Variants in GALNT17 observed in about 807,000 individuals in gnomAD.
The protein encoded by GALNT17 is polypeptide N-acetylgalactosaminyltransferase 17, also known as UDP-GalNAc:polypeptide N-acetylgalactosaminyltransferase-like 3.
Under a neutral mutation model 63.7 loss-of-function variants are expected in GALNT17, and 29 were observed. The ratio of observed to expected loss-of-function variants is 0.46; its 90% CI spans 0.34 to 0.62. The LOEUF is 0.62. Ranked by LOEUF, GALNT17 falls within the 20% of genes least tolerant of loss-of-function variation. The pLI, the probability that GALNT17 is intolerant of heterozygous loss-of-function variation, is 0.01. For synonymous variants in GALNT17, 305 were observed against 318.3 expected, an observed-to-expected ratio of 0.96 and a Z score of 0.45; for missense variants, 603 against 799.6, an observed-to-expected ratio of 0.75 and a Z score of 2.97.
At chr7:71,662,647 T>C (rs1409096377) in intron 6 of GALNT17, among the ~76,000 whole-genome samples, 1 of 152,224 alleles carries the variant, frequency 6.6e-6, no homozygotes, top group East Asian at 1.9e-4. Context: ...CTTTGTGATT[T>C]GCTTATTTTG....
intron 1 of GALNT17, among the ~76,000 whole-genome samples, chr7:71,165,470 GAA>G (rs66486288): frequency 0.45 from 68,525 of 151,450 alleles, 17,495 homozygotes; most frequent in East Asian, 0.81. Flanking sequence ...ACAGACAAGA[GAA>G]GAGAGAGAAG....
In GALNT17 at chr7:71,636,465, G is replaced by T. The variant is rs563853619; in HGVS notation, c.1081-28946G>T. On this transcript the variant is annotated intron_variant, in intron 6 of 10. Coordinates refer to ENST00000333538, the MANE Select transcript of GALNT17 (RefSeq NM_022479.3). ...TAACAGGAGGGTAGGTGGGAATCTGGTTCAGGTGGAGGCAAACTGGTTTGG... is the reference window on the plus strand; with the variant it reads ...TAACAGGAGGGTAGGTGGGAATCTGTTTCAGGTGGAGGCAAACTGGTTTGG... 2.6e-5 allele frequency among the ~76,000 whole-genome samples: 4 copies of T among 152,288 alleles called. No homozygotes were observed. The East Asian group carries it at 7.7e-4, about 29-fold the overall frequency.
chr7:71,593,161 T>C (rs1310725063), intron 6 of GALNT17, among the ~76,000 whole-genome samples: 1 of 32,284 alleles, frequency 3.1e-5, no homozygotes, highest in Non-Finnish European at 1.5e-4. Flanking sequence ...ATAATAATAA[T>C]AATAATAATA....
chr7:71,350,944 C>T (rs929062965), intron 2 of GALNT17, among the ~76,000 whole-genome samples: 10 of 152,208 alleles, frequency 6.6e-5, no homozygotes, highest in African/African-American at 2.4e-4. Flanking sequence ...AGTTTAAGAT[C>T]AGCATGGCCA....
chr7:71,528,894 G>A (rs1295241601), intron 5 of GALNT17, among the ~76,000 whole-genome samples: 1 of 152,146 alleles, frequency 6.6e-6, no homozygotes, highest in Non-Finnish European at 1.5e-5. Flanking sequence ...CAGCACTTCG[G>A]GAGGCCGAGG....
intron 1 of GALNT17, among the ~76,000 whole-genome samples, chr7:71,238,320 C>T (rs899645697): frequency 2.0e-5 from 3 of 152,112 alleles, no homozygotes; most frequent in East Asian, 3.9e-4. Flanking sequence ...AGAGGTCTCT[C>T]CCAGAAGCCT....
chr7:71,672,396 C>T (rs904067736), intron 8 of GALNT17, among the ~76,000 whole-genome samples: 5 of 152,030 alleles, frequency 3.3e-5, no homozygotes, highest in Non-Finnish European at 5.9e-5. Flanking sequence ...ATGAAATCCA[C>T]GCAAGAAATG....
At chr7:71,250,830 T>C (rs1172888538) in intron 1 of GALNT17, among the ~76,000 whole-genome samples, 1 of 152,216 alleles carries the variant, frequency 6.6e-6, no homozygotes, top group Non-Finnish European at 1.5e-5. Flanking sequence ...ACAGCAAACC[T>C]GCCTTCTGTG....
chr7:71,559,255 C>T (rs1562690726), intron 5 of GALNT17, among the ~76,000 whole-genome samples: 1 of 152,188 alleles, frequency 6.6e-6, no homozygotes, highest in Non-Finnish European at 1.5e-5. Flanking sequence ...GAATTCTATT[C>T]AAGCCAGCCA....
intron 3 of GALNT17, among the ~76,000 whole-genome samples, chr7:71,405,130 T>G: frequency 6.6e-6 from 1 of 152,234 alleles, no homozygotes; most frequent in East Asian, 1.9e-4. Context: ...TCCAAGCTAC[T>G]TGAGGGAGCC....
At chr7:71,182,035 C>T (rs529680021) in intron 1 of GALNT17, among the ~76,000 whole-genome samples, 13 of 152,180 alleles carry the variant, frequency 8.5e-5, no homozygotes, top group African/African-American at 2.2e-4. Flanking sequence ...ATTAGCTGGG[C>T]GTGGTGGCGC....
chr7:71,538,503 AT>A (rs1454468645), intron 5 of GALNT17, among the ~76,000 whole-genome samples: 2 of 152,186 alleles, frequency 1.3e-5, no homozygotes, highest in Non-Finnish European at 2.9e-5. Flanking sequence ...CAAAGATACC[AT>A]CAGTTAACCT....
intron 1 of GALNT17, among the ~76,000 whole-genome samples, chr7:71,250,211 T>C (rs906662093): frequency 6.6e-6 from 1 of 152,236 alleles, no homozygotes; most frequent in African/African-American, 2.4e-5. Context: ...ATTAAGTACG[T>C]TTATTTTTTC....
At chr7:71,342,658 A>G (rs1202960762) in intron 2 of GALNT17, among the ~76,000 whole-genome samples, 1 of 152,230 alleles carries the variant, frequency 6.6e-6, no homozygotes, top group African/African-American at 2.4e-5. Flanking sequence ...AACACAAATT[A>G]TGGTATAATT....
At chr7:71,183,734 G>C (rs1164633314) in intron 1 of GALNT17, among the ~76,000 whole-genome samples, 1 of 151,678 alleles carries the variant, frequency 6.6e-6, no homozygotes, top group Non-Finnish European at 1.5e-5. Context: ...CCCACTGTAC[G>C]AAAAATAACA....
chr7:71,504,662 C>A (rs1028101512), intron 5 of GALNT17, among the ~76,000 whole-genome samples: 6 of 151,844 alleles, frequency 4.0e-5, no homozygotes, highest in Non-Finnish European at 8.8e-5. Context: ...ACTTATTTAC[C>A]TAGTTTACTT....
At chr7:71,540,598 A>G (rs878916964) in intron 5 of GALNT17, among the ~76,000 whole-genome samples, 1 of 151,986 alleles carries the variant, frequency 6.6e-6, no homozygotes, top group Admixed American at 6.5e-5. Flanking sequence ...GATGGACACT[A>G]GGGTTTTGTG....
Position 71,306,037 on chromosome 7 carries a change from G to A in GALNT17, c.239-29513G>A, listed in dbSNP as rs527470829. 1.1e-3 allele frequency among the ~76,000 whole-genome samples: 169 copies of A among 152,200 alleles called. 1 individual carries two copies. Among genetic ancestry groups the A allele is most frequent in the African/African-American group, 3.9e-3 (164 of 41,534 alleles). ...GGCTCGAGACCAGCCTGGCCAACAT[G>A]GCTAAACTCCATCTTTACTTAAAAA... On this transcript the variant is annotated intron_variant, in intron 1 of 10. Coordinates refer to ENST00000333538, the MANE Select transcript of GALNT17 (RefSeq NM_022479.3).
chr7:71,709,921 T>C (rs1418673230), intron 9 of GALNT17, among the ~76,000 whole-genome samples: 1 of 152,160 alleles, frequency 6.6e-6, no homozygotes, highest in Non-Finnish European at 1.5e-5. Context: ...TAAAATGTGG[T>C]ATCTTATTAT....
Sources: gnomAD v4.1 joint callset for allele counts (sites outside exome capture counted in the v4.1 genomes callset) on GRCh38, gnomAD v4.1.1 for gene constraint, MANE v1.5 for transcripts, NCBI Gene and HGNC (gene_info 2026-07-23, HGNC 2026-07-21) for gene names.